LIMCH1: variants seen among roughly 807,000 people sequenced by gnomAD.
LIMCH1 encodes LIM and calponin homology domains 1.
LIMCH1 carries 113 observed loss-of-function variants against 176.5 expected under a neutral mutation model. That is an observed-to-expected ratio of 0.64 (90% CI 0.55 to 0.75). The LOEUF (loss-of-function observed/expected upper bound fraction) is 0.75, where lower values mean the gene tolerates loss of function less well. LIMCH1 is among the 30% of genes least tolerant of loss of function. The probability of loss-of-function intolerance (pLI) is 0.00; values close to 1 mark genes in which losing one functional copy is unlikely to be tolerated. For synonymous variants in LIMCH1, 619 were observed against 645.9 expected, an observed-to-expected ratio of 0.96 and a Z score of 0.63; for missense variants, 1,674 against 1,814.9, an observed-to-expected ratio of 0.92 and a Z score of 1.41.
chr4:41,486,602 G>C (rs1273379531), intron 1 of LIMCH1, among the ~76,000 whole-genome samples: 1 of 152,152 alleles, frequency 6.6e-6, no homozygotes. Flanking sequence ...GACTCCAGTG[G>C]AAGGTCTTCC....
chr4:41,500,007 T>C (rs1455004358), intron 2 of LIMCH1, among the ~76,000 whole-genome samples: 1 of 152,236 alleles, frequency 6.6e-6, no homozygotes. Flanking sequence ...TTCTAATTTC[T>C]TCCTCATGGT....
At chr4:41,396,540 TTTTG>T (rs145986081) in intron 1 of LIMCH1, among the ~76,000 whole-genome samples, 2,370 of 152,192 alleles carry the variant, frequency 0.016, 51 homozygotes, top group African/African-American at 0.054. Flanking sequence ...TTTTGTTTTC[TTTTG>T]TTTGTTTGTT....
Position 41,655,392 on chromosome 4 carries a change from T to C in LIMCH1, c.3036+4784T>C, listed in dbSNP as rs188543429. On this transcript the variant is annotated intron_variant, in intron 18 of 31. Coordinates refer to ENST00000503057, the MANE Select transcript of LIMCH1 (RefSeq NM_001330672.2). The stretch of plus-strand genomic sequence containing the variant: ...ACAGGTGCCACTCAGCTATCTTTAA[T>C]ATTGTCATGCAACAAGTGGGAGTAA... 1.7e-3 allele frequency among the ~76,000 whole-genome samples: 266 copies of C among 152,334 alleles called. 2 individuals carry two copies. The highest frequency in any genetic ancestry group is 6.2e-3 in the African/African-American group (258 of 41,582).
upstream of LIMCH1, chr4:41,360,634 G>A: frequency 3.4e-6 from 1 of 290,944 alleles, no homozygotes. This position sits in a 1 kb window ranked among gnomAD's most constrained non-coding sequence, Gnocchi z 4.5. Context: ...GTCACTCACG[G>A]CGCGTTGGAG....
intron 1 of LIMCH1, among the ~76,000 whole-genome samples, chr4:41,458,270 T>A (rs1026979044): frequency 2.0e-5 from 3 of 152,308 alleles, no homozygotes; most frequent in African/African-American, 7.2e-5. Flanking sequence ...TTCCAATTTA[T>A]TTGCTACTAC....
Position 41,687,843 on chromosome 4 carries a change from A to G in LIMCH1, c.4092A>G (p.Lys1364=). 2 of 1,612,402 alleles carry G rather than the reference A, an allele frequency of 1.2e-6. No individual in the cohort carries two copies. The part of the protein sequence containing the change: ...QIESPSERRK[K]SPREHFQAGP... ...TGACTCCTTTACCACATTACAGGAA[A>G]AGTCCCCGAGAGCACTTCCAGGCTG... Residue 1364 remains lysine (K), a synonymous_variant, in exon 29 of 32, where the codon AAA becomes AAG. Coordinates refer to ENST00000503057, the MANE Select transcript of LIMCH1 (RefSeq NM_001330672.2).
At chr4:41,658,808 G>T (rs1399094535) in intron 18 of LIMCH1, among the ~76,000 whole-genome samples, 1 of 152,152 alleles carries the variant, frequency 6.6e-6, no homozygotes, top group Non-Finnish European at 1.5e-5. Context: ...TGGCCCTGTT[G>T]TGTAGTTATT....
In LIMCH1 at chr4:41,676,361, T is replaced by C. The variant is rs1560337012; in HGVS notation, c.3439-21T>C. Reference sequence around the variant, plus strand: ...TGAGGACATGGCTCAATTCTGATCATGGTTTCATTTTTCTAAGCAGTTTAA... The same window carrying C: ...TGAGGACATGGCTCAATTCTGATCACGGTTTCATTTTTCTAAGCAGTTTAA... On this transcript the variant is annotated intron_variant, in intron 22 of 31. Coordinates refer to ENST00000503057, the MANE Select transcript of LIMCH1 (RefSeq NM_001330672.2). 1.9e-6 allele frequency: 3 copies of C among 1,604,882 alleles called. No homozygotes were observed. The Admixed American group carries it at 5.0e-5, about 27-fold the overall frequency.
At chr4:41,667,528 G>T (rs1239129436) in intron 21 of LIMCH1, among the ~76,000 whole-genome samples, 1 of 152,144 alleles carries the variant, frequency 6.6e-6, no homozygotes, top group African/African-American at 2.4e-5. Context: ...GATATAATGT[G>T]GGAAGGGGTT....
At chr4:41,433,480 C>T (rs2061780859) in intron 1 of LIMCH1, among the ~76,000 whole-genome samples, 1 of 152,120 alleles carries the variant, frequency 6.6e-6, no homozygotes, top group African/African-American at 2.4e-5. Flanking sequence ...TGGCTGGTCC[C>T]TGTGTTCAGT....
intron 1 of LIMCH1, among the ~76,000 whole-genome samples, chr4:41,428,140 C>T (rs1232377347): frequency 6.6e-6 from 1 of 152,130 alleles, no homozygotes; most frequent in Non-Finnish European, 1.5e-5. Context: ...TCGACTTTCT[C>T]ATCTTTTGGA....
chr4:41,513,873 G>A (rs907461779), intron 2 of LIMCH1, among the ~76,000 whole-genome samples: 8 of 151,630 alleles, frequency 5.3e-5, no homozygotes, highest in Non-Finnish European at 1.0e-4. Flanking sequence ...AGGTGTGGTG[G>A]TGCATGCCTG....
chr4:41,377,024 A>C (rs1361110215), intron 1 of LIMCH1, among the ~76,000 whole-genome samples: 1 of 152,262 alleles, frequency 6.6e-6, no homozygotes, highest in African/African-American at 2.4e-5. Flanking sequence ...TGAGCTCCCA[A>C]GGTATGTAAA....
At chr4:41,673,538 C>T (rs1250173409) in intron 22 of LIMCH1, among the ~76,000 whole-genome samples, 1 of 152,116 alleles carries the variant, frequency 6.6e-6, no homozygotes, top group Non-Finnish European at 1.5e-5. Flanking sequence ...AAATAAGTAG[C>T]GCTTCAAGAG....
intron 1 of LIMCH1, among the ~76,000 whole-genome samples, chr4:41,363,223 CAA>C (rs770798623): frequency 6.6e-5 from 10 of 152,100 alleles, no homozygotes; most frequent in Non-Finnish European, 1.5e-4. Context: ...GCCTTGTGAA[CAA>C]AGATTCCTCA....
At chr4:41,393,794 T>TA (rs1359855821) in intron 1 of LIMCH1, among the ~76,000 whole-genome samples, 1 of 152,160 alleles carries the variant, frequency 6.6e-6, no homozygotes, top group African/African-American at 2.4e-5. Flanking sequence ...AACTGTAAAA[T>TA]TAGAAAGACC....
rs1206488925 is a variant in LIMCH1 at position 41,619,199 on chromosome 4, G to A, written c.217G>A (p.Asp73Asn). ...LRGSSDGRGS[D>N]SESDLPHRKL... ...CCTCTCTTCCCTAGGGAGAGGAAGC[G>A]ACTCTGAATCCGACTTGCCTCATCG... Residue 73 changes from aspartate to asparagine, a missense_variant, in exon 6 of 32, where the codon GAC becomes AAC. Physicochemically the swap from Asp to Asn is conservative, Grantham distance 23. Coordinates refer to ENST00000503057, the MANE Select transcript of LIMCH1 (RefSeq NM_001330672.2). 5 of 1,614,026 alleles carry A rather than the reference G, an allele frequency of 3.1e-6. No individual in the cohort carries two copies. The highest frequency in any genetic ancestry group is 1.7e-5 in the Admixed American group (1 of 60,002).
chr4:41,439,245 A>T (rs1369485762), intron 1 of LIMCH1, among the ~76,000 whole-genome samples: 1 of 152,178 alleles, frequency 6.6e-6, no homozygotes, highest in African/African-American at 2.4e-5. Context: ...ACACCAAGTG[A>T]TTTCTAATAC....
chr4:41,382,091 C>A (rs1299570347), intron 1 of LIMCH1, among the ~76,000 whole-genome samples: 1 of 152,206 alleles, frequency 6.6e-6, no homozygotes, highest in Non-Finnish European at 1.5e-5. Flanking sequence ...TAGTTTCTGA[C>A]CGCAGATACA....
Sources: gnomAD v4.1 joint callset for allele counts (sites outside exome capture counted in the v4.1 genomes callset) on GRCh38, gnomAD v4.1.1 for gene constraint, Gnocchi (gnomAD v3.1) non-coding constraint, MANE v1.5 for transcripts, NCBI Gene and HGNC (gene_info 2026-07-23, HGNC 2026-07-21) for gene names.